The following KANSL1 variants were observed in gnomAD, a reference collection of about 807,000 sequenced individuals.
The protein encoded by KANSL1 is MLL1/MLL complex subunit KANSL1.
KANSL1 carries 22 observed loss-of-function variants against 103.6 expected under a neutral mutation model. The ratio of observed to expected loss-of-function variants is 0.21; its 90% confidence interval spans 0.15 to 0.30. The LOEUF is 0.30. Ranked by LOEUF, KANSL1 falls within the 10% of genes least tolerant of loss-of-function variation. The probability of loss-of-function intolerance (pLI) is 1.00; values close to 1 mark genes in which losing one functional copy is unlikely to be tolerated. For missense variants in KANSL1, 1,337 were observed against 1,399.8 expected (o/e 0.96, Z 0.72); for synonymous variants, 600 against 527.6 (o/e 1.14, Z -1.88).
At chr17:46,111,345 A>G (rs987395552) in intron 2 of KANSL1, among the ~76,000 whole-genome samples, 1 of 152,208 alleles carries the variant, frequency 6.6e-6, no homozygotes, top group Non-Finnish European at 1.5e-5. Flanking sequence ...GGTAGCTAGG[A>G]CTACAGGCAT....
At chr17:46,094,522 T>C in intron 3 of KANSL1, 38 bp downstream of exon 3, 2 of 1,595,928 alleles carry the variant, frequency 1.3e-6, no homozygotes, top group Non-Finnish European at 1.7e-6. Flanking sequence ...TTGATAGTTT[T>C]CGGCAGCATT....
rs76986383 is a variant in KANSL1 at position 46,036,658 on chromosome 17, G to A, written c.2541+1880C>T. ...GCTTTTGCTATCTATGGGAGGTCCTGGAACCAATCCCCACTGCAGATACTG... is the reference window on the plus strand; with the variant it reads ...GCTTTTGCTATCTATGGGAGGTCCTAGAACCAATCCCCACTGCAGATACTG... On this transcript the variant is annotated intron_variant, in intron 10 of 14. Coordinates refer to ENST00000432791, the MANE Select transcript of KANSL1 (RefSeq NM_015443.4). 5.4e-3 allele frequency among the ~76,000 whole-genome samples: 829 copies of A among 152,128 alleles called. 10 individuals carry two copies. Among genetic ancestry groups the A allele is most frequent in the African/African-American group, 0.019 (792 of 41,514 alleles).
At chr17:46,083,517 C>G (rs1467418939) in intron 3 of KANSL1, among the ~76,000 whole-genome samples, 1 of 152,042 alleles carries the variant, frequency 6.6e-6, no homozygotes, top group Non-Finnish European at 1.5e-5. Context: ...GGTAGTCTAC[C>G]TTTTTATGGG....
rs919752419 is a variant in KANSL1, at chr17:46,039,310, C to T, written c.2204-95G>A. The T allele has an allele frequency of 7.7e-6, 9 of 1,174,054 alleles. No homozygotes were observed. In the African/African-American group the frequency reaches 1.1e-4, roughly 14 times the overall value. 72.7% of individuals were successfully genotyped at this position (1,174,054 alleles called of 1,614,324 possible). On this transcript the variant is annotated intron_variant, in intron 8 of 14. Transcript: ENST00000432791. ...CTCTCGAGTTCTCTCTAGGCCAACG[C>T]CGTATACCCAGGGCAGCAGGACAGT...
intron 1 of KANSL1, among the ~76,000 whole-genome samples, chr17:46,188,595 G>A (rs893667267): frequency 6.6e-6 from 1 of 152,184 alleles, no homozygotes; most frequent in African/African-American, 2.4e-5. Context: ...AACCTGCCCT[G>A]TACTCCTTTC....
intron 3 of KANSL1, among the ~76,000 whole-genome samples, chr17:46,090,293 T>C (rs1166753590): frequency 6.6e-6 from 1 of 152,230 alleles, no homozygotes; most frequent in African/African-American, 2.4e-5. Flanking sequence ...TTCAGACTTC[T>C]GGCCTCCAGA....
chr17:46,072,226 A>G (rs1367935987), intron 4 of KANSL1, among the ~76,000 whole-genome samples: 2 of 152,196 alleles, frequency 1.3e-5, no homozygotes, highest in African/African-American at 4.8e-5. Flanking sequence ...ACCAAAAAGT[A>G]GAGAGGGTTA....
intron 2 of KANSL1, among the ~76,000 whole-genome samples, chr17:46,164,133 A>G (rs2045883174): frequency 6.6e-6 from 1 of 152,272 alleles, no homozygotes; most frequent in African/African-American, 2.4e-5. Flanking sequence ...TGTGTCTTAC[A>G]CATTTACTTA....
At chr17:46,136,480 A>C (rs927040574) in intron 2 of KANSL1, among the ~76,000 whole-genome samples, 4 of 152,258 alleles carry the variant, frequency 2.6e-5, no homozygotes, top group African/African-American at 9.6e-5. Flanking sequence ...AATGCTAAGG[A>C]GTAAAATGAT....
Position 46,171,727 on chromosome 17 carries a change from T to C in KANSL1, c.417A>G (p.Arg139=), listed in dbSNP as rs1376451612. 1 of 1,575,900 alleles carries C rather than the reference T, an allele frequency of 6.3e-7. No homozygotes were observed. The highest frequency in any genetic ancestry group is 1.2e-5 in the South Asian group (1 of 85,180). The change falls in exon 2 of 15, where the codon AGA becomes AGG. Residue 139 remains arginine (R), a synonymous_variant. Transcript: ENST00000432791. ...CTGTCTGACCACTCGTATTCATGGTTCTAAGATTTTCTAAGGAAAACTCCA... is the reference window on the plus strand; with the variant it reads ...CTGTCTGACCACTCGTATTCATGGTCCTAAGATTTTCTAAGGAAAACTCCA... ...PVLEFSLENL[R]TMNTSGQTAL... is the part of the protein sequence containing the mutation.
chr17:46,081,167 G>A (rs1033982697), intron 4 of KANSL1, among the ~76,000 whole-genome samples: 7 of 152,118 alleles, frequency 4.6e-5, no homozygotes, highest in African/African-American at 1.4e-4. Flanking sequence ...GCTGAGGTAA[G>A]AGAAAACATG....
rs575803125 is a variant in KANSL1, at chr17:46,064,012, T to C, written c.1848+2525A>G. ...ATACTGTTTTCTGACATTCCTGTTA[T>C]CAACTCCTCTGAAAATCTTTTAGAG... On this transcript the variant is annotated intron_variant, in intron 6 of 14. Coordinates refer to ENST00000432791, the MANE Select transcript of KANSL1 (RefSeq NM_015443.4). 1.0e-4 allele frequency among the ~76,000 whole-genome samples: 14 copies of C among 139,290 alleles called. No individual in the cohort carries two copies. In the East Asian group the frequency reaches 3.0e-3, roughly 30 times the overall value. 91.4% of individuals were successfully genotyped at this position (139,290 alleles called of 152,430 possible).
intron 2 of KANSL1, among the ~76,000 whole-genome samples, chr17:46,161,865 GC>G (rs1275133073): frequency 6.6e-6 from 1 of 152,126 alleles, no homozygotes; most frequent in East Asian, 1.9e-4. Flanking sequence ...GGCTGCTAGA[GC>G]AAACCACAAC....
intron 7 of KANSL1, chr17:46,045,104 A>T (rs954500502): frequency 1.9e-4 from 29 of 152,114 alleles, no homozygotes. Context: ...TCTACCACAC[A>T]AATGTTTGAC....
chr17:46,099,284 A>C (rs1258312050), intron 2 of KANSL1, among the ~76,000 whole-genome samples: 1 of 112,366 alleles, frequency 8.9e-6, no homozygotes, highest in East Asian at 2.0e-4. Context: ...AGATTGCGCC[A>C]CTGCACTCTC....
At chr17:46,120,702 A>C (rs1360896125) in intron 2 of KANSL1, among the ~76,000 whole-genome samples, 1 of 152,154 alleles carries the variant, frequency 6.6e-6, no homozygotes, top group African/African-American at 2.4e-5. Flanking sequence ...CCTCCCTTCC[A>C]TTTCCTTTGC....
intron 4 of KANSL1, among the ~76,000 whole-genome samples, chr17:46,073,118 T>A (rs1241759065): frequency 1.3e-5 from 2 of 152,212 alleles, no homozygotes; most frequent in African/African-American, 4.8e-5. Context: ...CCCTAGAGAC[T>A]GCAAAACTTC....
chr17:46,155,879 G>A (rs2045397707), intron 2 of KANSL1, among the ~76,000 whole-genome samples: 1 of 152,142 alleles, frequency 6.6e-6, no homozygotes, highest in African/African-American at 2.4e-5. Flanking sequence ...GCTGTAGTAA[G>A]CTATGATCAC....
chr17:46,092,368 T>C (rs1266048340), intron 3 of KANSL1, among the ~76,000 whole-genome samples: 2 of 152,216 alleles, frequency 1.3e-5, no homozygotes, highest in African/African-American at 2.4e-5. Context: ...ATGAACCAAA[T>C]GAGGTGAGTA....
Sources: gnomAD v4.1 joint callset for allele counts (sites outside exome capture counted in the v4.1 genomes callset) on GRCh38, gnomAD v4.1.1 for gene constraint, MANE v1.5 for transcripts, NCBI Gene and HGNC (gene_info 2026-07-23, HGNC 2026-07-21) for gene names.